Variants in CPLX2 observed in about 807,000 individuals in gnomAD.
CPLX2 encodes complexin-2.
In CPLX2, 5 loss-of-function variants were observed where a neutral mutation model predicts 16.3. That is an observed-to-expected ratio of 0.31 (90% CI 0.16 to 0.64). CPLX2 has a LOEUF of 0.64. Ranked by LOEUF, CPLX2 falls within the 30% of genes least tolerant of loss-of-function variation. The pLI is 0.79. For missense variants in CPLX2, 144 were observed against 181.4 expected (o/e 0.79, Z 1.18); for synonymous variants, 89 against 73.2 (o/e 1.22, Z -1.10).
At chr5:175,871,461 GAGA>G (rs1759610346), upstream of CPLX2, 2 of 146,802 alleles carry the variant, frequency 1.4e-5, no homozygotes, top group Admixed American at 6.7e-5. Context: ...GAGAGAGAGA[GAGA>G]GAGAGAGAGA....
intron 2 of CPLX2, among the ~76,000 whole-genome samples, chr5:175,844,377 A>C (rs1394487034): frequency 6.6e-5 from 10 of 152,224 alleles, no homozygotes; most frequent in Non-Finnish European, 1.3e-4. Context: ...ACAAACCTTT[A>C]CTGAGCTGCT....
chr5:175,817,064 C>T (rs1330685552), intron 2 of CPLX2, among the ~76,000 whole-genome samples: 1 of 152,246 alleles, frequency 6.6e-6, no homozygotes, highest in Non-Finnish European at 1.5e-5. Flanking sequence ...ACCCTCACTG[C>T]TCTGACAGCC....
chr5:175,860,590 G>GGAAGGAAA (rs1759354001), intron 2 of CPLX2, among the ~76,000 whole-genome samples: 1 of 87,522 alleles, frequency 1.1e-5, no homozygotes, highest in South Asian at 4.4e-4. Flanking sequence ...AGGGAGGGAA[G>GGAAGGAAA]GAAGGAAGGA....
Position 175,882,571 on chromosome 5 carries a change from G to C in CPLX2, c.*2526G>C, listed in dbSNP as rs1453839986. 2 of 152,724 alleles carry C rather than the reference G, an allele frequency of 1.3e-5. No individual in the cohort carries two copies. 9.5% of individuals were successfully genotyped at this position (152,724 alleles called of 1,614,324 possible). A position where few individuals can be genotyped will look rare whatever the true frequency, so the allele number is the denominator to read the frequency against. On this transcript the variant is annotated 3_prime_UTR_variant, in exon 4 of 4. Coordinates refer to ENST00000393745, the MANE Select transcript of CPLX2 (RefSeq NM_001008220.2). ...CTGCCCTGGTGTTCTCCACAGTGCA[G>C]TCCCTCTGTATTCCCAGAGTGGGAT...
At chr5:175,797,586 T>G (rs2113616998) in intron 1 of CPLX2, among the ~76,000 whole-genome samples, 1 of 152,096 alleles carries the variant, frequency 6.6e-6, no homozygotes, top group African/African-American at 2.4e-5. Flanking sequence ...AATCACTGAC[T>G]CCGGCTGTCC....
rs116878436 is a variant in CPLX2, at chr5:175,860,263, G to A, written c.-88-18389G>A. On this transcript the variant is annotated intron_variant, in intron 2 of 4. Transcript: ENST00000359546. ...CCCAGCACATTGGGAGGTCAAGGCA[G>A]GAGGATCACTTGAGCCCAGGAGTTC... 2.0e-4 allele frequency among the ~76,000 whole-genome samples: 30 copies of A among 152,156 alleles called. No individual in the cohort carries two copies. The East Asian group carries it at 5.6e-3, about 29-fold the overall frequency.
chr5:175,806,142 G>A (rs374405363), intron 1 of CPLX2, among the ~76,000 whole-genome samples: 132 of 151,586 alleles, frequency 8.7e-4, no homozygotes, highest in African/African-American at 3.2e-3. Flanking sequence ...CCCTCAAGGT[G>A]AAGCCCAAGC....
rs893498406 is a variant in CPLX2, at chr5:175,799,558, A to T, written c.-169+2774A>T. Among the ~76,000 whole-genome samples the T allele has an allele frequency of 4.4e-3, 620 of 139,618 alleles. 18 individuals are homozygous for T. The highest frequency in any genetic ancestry group is 0.016 in the African/African-American group (581 of 36,308). 91.6% of individuals were successfully genotyped at this position (139,618 alleles called of 152,430 possible). A position where few individuals can be genotyped will look rare whatever the true frequency, so the allele number is the denominator to read the frequency against. ...AAATTTCATATATATATATATATAT[A>T]TATATATATATATATATAGTAATCA... On this transcript the variant is annotated intron_variant, in intron 1 of 4. Transcript: ENST00000359546.
At chr5:175,847,439 A>C (rs981253539) in intron 2 of CPLX2, among the ~76,000 whole-genome samples, 4 of 152,204 alleles carry the variant, frequency 2.6e-5, no homozygotes, top group Non-Finnish European at 2.9e-5. Context: ...ACAGGCTCCT[A>C]GTCCATCACG....
chr5:175,797,749 A>T (rs1758018393), intron 1 of CPLX2, among the ~76,000 whole-genome samples: 1 of 152,074 alleles, frequency 6.6e-6, no homozygotes, highest in Admixed American at 6.5e-5. Context: ...CCCAGACGGC[A>T]GAGAAGGCAG....
intron 1 of CPLX2, among the ~76,000 whole-genome samples, chr5:175,876,288 T>C (rs1327155782): frequency 6.6e-6 from 1 of 152,096 alleles, no homozygotes; most frequent in African/African-American, 2.4e-5. Flanking sequence ...TGAGTGAATA[T>C]AGAGGTCTAG....
At chr5:175,855,943 A>T (rs922673517) in intron 2 of CPLX2, among the ~76,000 whole-genome samples, 1 of 152,210 alleles carries the variant, frequency 6.6e-6, no homozygotes, top group Admixed American at 6.5e-5. Context: ...TACCATAGCA[A>T]CCACACAGAG....
At chr5:175,838,601 GCTGCCCC>G (rs1198429193) in intron 2 of CPLX2, among the ~76,000 whole-genome samples, 3 of 152,046 alleles carry the variant, frequency 2.0e-5, no homozygotes, top group Non-Finnish European at 2.9e-5. Context: ...GGGTTTCTGG[GCTGCCCC>G]CTCACCCAAG....
In CPLX2 at chr5:175,872,604, C is replaced by T. The variant is rs1171703655; in HGVS notation, c.-89+899C>T. On this transcript the variant is annotated intron_variant, in intron 1 of 3. Transcript: ENST00000393745. The surrounding 1 kb of genome is among the most constrained non-coding windows in gnomAD (Gnocchi z 5.0). ...GGAAACGGGAACCCCCGGCCACTTC[C>T]GCTTTTCAGCCGGAGTCGGCTCCCT... Among the ~76,000 whole-genome samples the T allele has an allele frequency of 1.3e-5, 2 of 152,100 alleles. No homozygotes were observed. Among genetic ancestry groups the T allele is most frequent in the Admixed American group, 1.3e-4 (2 of 15,280 alleles).
chr5:175,826,711 C>T (rs1478478910), intron 2 of CPLX2, among the ~76,000 whole-genome samples: 2 of 152,050 alleles, frequency 1.3e-5, no homozygotes, highest in Non-Finnish European at 2.9e-5. Flanking sequence ...GAGAGAGGAC[C>T]CACCAATGCC....
intron 2 of CPLX2, among the ~76,000 whole-genome samples, chr5:175,811,968 G>T (rs1758319877): frequency 2.0e-5 from 3 of 152,252 alleles, no homozygotes; most frequent in Non-Finnish European, 2.9e-5. Flanking sequence ...TGGCCTCCAG[G>T]TTGGAAGGTC....
chr5:175,822,696 A>G (rs1758536069), intron 2 of CPLX2, among the ~76,000 whole-genome samples: 1 of 152,200 alleles, frequency 6.6e-6, no homozygotes, highest in South Asian at 2.1e-4. Flanking sequence ...GAACACAGCC[A>G]TCTCCTTCCT....
At chr5:175,861,993 G>A (rs565673756) in intron 2 of CPLX2, among the ~76,000 whole-genome samples, 1 of 152,060 alleles carries the variant, frequency 6.6e-6, no homozygotes, top group South Asian at 2.1e-4. Flanking sequence ...CCCTTCTCTG[G>A]GCTCTGAGCC....
At chr5:175,879,215 A>C in intron 3 of CPLX2, 132 bp downstream of exon 3, 26 of 990,176 alleles carry the variant, frequency 2.6e-5, no homozygotes, top group Non-Finnish European at 3.8e-5. Context: ...CACTCTTCTC[A>C]TCAGCAAAAC....
Sources: gnomAD v4.1 joint callset for allele counts (sites outside exome capture counted in the v4.1 genomes callset) on GRCh38, gnomAD v4.1.1 for gene constraint, Gnocchi (gnomAD v3.1) non-coding constraint, MANE v1.5 for transcripts, NCBI Gene and HGNC (gene_info 2026-07-23, HGNC 2026-07-21) for gene names.